GLRA2: variants seen among roughly 807,000 people sequenced by gnomAD.
The protein encoded by GLRA2 is glycine receptor alpha 2, also known as glycine receptor subunit alpha-2.
GLRA2 carries 11 observed loss-of-function variants against 31.6 expected under a neutral mutation model. The ratio of observed to expected loss-of-function variants is 0.35; its 90% CI spans 0.22 to 0.58. The LOEUF (loss-of-function observed/expected upper bound fraction) is 0.58. GLRA2 is among the 20% of genes least tolerant of loss of function. The pLI, the probability that GLRA2 is intolerant of heterozygous loss-of-function variation, is 0.84. For missense variants in GLRA2, 212 were observed against 351.8 expected (o/e 0.60, Z 3.18); for synonymous variants, 132 against 134.0 (o/e 0.99, Z 0.10).
chrX:14,497,112 G>A, the GLRA2 span, among the ~76,000 whole-genome samples: 1 of 111,959 alleles, frequency 8.9e-6, no homozygotes, highest in African/African-American at 3.2e-5. Context: ...ATTATTACAA[G>A]TGTCTTAGAA....
chrX:14,622,309 G>T (rs2090530342), intron 7 of GLRA2, among the ~76,000 whole-genome samples: 1 of 111,560 alleles, frequency 9.0e-6, no homozygotes, highest in African/African-American at 3.3e-5. Context: ...CCATTCTGTA[G>T]GTTTCCTGTT....
At chrX:14,642,267 G>T (rs754055057) in intron 7 of GLRA2, among the ~76,000 whole-genome samples, 1 of 111,810 alleles carries the variant, frequency 8.9e-6, no homozygotes, top group Non-Finnish European at 1.9e-5. Flanking sequence ...TGGGCTGGGT[G>T]CCTGGCAGTT....
chrX:14,686,104 C>T (rs1293043180), intron 7 of GLRA2, among the ~76,000 whole-genome samples: 1 of 111,809 alleles, frequency 8.9e-6, no homozygotes, highest in Non-Finnish European at 1.9e-5. Context: ...TGTTCAGTTT[C>T]CATGTAGTTG....
chrX:14,674,791 A>T (rs1303872835), intron 7 of GLRA2, among the ~76,000 whole-genome samples: 5 of 109,302 alleles, frequency 4.6e-5, no homozygotes, highest in Non-Finnish European at 9.5e-5. Context: ...ACACACACAC[A>T]AACACACACA....
At chrX:14,549,499 A>G (rs762846078) in intron 2 of GLRA2, among the ~76,000 whole-genome samples, 5 of 111,804 alleles carry the variant, frequency 4.5e-5, no homozygotes, top group African/African-American at 1.6e-4. Flanking sequence ...CATCCACAAA[A>G]GAGAGATGAT....
At chrX:14,689,063 A>T (rs2091312898) in intron 7 of GLRA2, among the ~76,000 whole-genome samples, 1 of 112,126 alleles carries the variant, frequency 8.9e-6, no homozygotes, top group Non-Finnish European at 1.9e-5. Flanking sequence ...AGGCAGAGAG[A>T]GGTTAAATAA....
At position 14,591,071 on chromosome X, in the gene GLRA2, T is replaced by C. The variant is rs188390326; in HGVS notation, c.494+9665T>C. Among the ~76,000 whole-genome samples the C allele has an allele frequency of 1.4e-3, 158 of 111,655 alleles. 1 individual carries two copies. The highest frequency in any genetic ancestry group is 4.6e-3 in the African/African-American group (143 of 30,753). On this transcript the variant is annotated intron_variant, in intron 4 of 8. Transcript: ENST00000218075. ...GTATGTATGACAGACTCTCATAAAGTATGGAAAGCTTTGTTGAGCTCCTGC... is the reference window on the plus strand; with the variant it reads ...GTATGTATGACAGACTCTCATAAAGCATGGAAAGCTTTGTTGAGCTCCTGC...
chrX:14,566,862 A>G (rs2089814223), intron 2 of GLRA2, among the ~76,000 whole-genome samples: 1 of 111,780 alleles, frequency 8.9e-6, no homozygotes, highest in African/African-American at 3.3e-5. Context: ...ATAACACCCT[A>G]GACTGAATAA....
the GLRA2 span, among the ~76,000 whole-genome samples, chrX:14,494,734 C>T: frequency 1.8e-5 from 2 of 111,510 alleles, no homozygotes; most frequent in African/African-American, 6.5e-5. Context: ...AGCAAATCTC[C>T]GAAGTCTCAT....
At chrX:14,505,161 G>A in the GLRA2 span, among the ~76,000 whole-genome samples, 3 of 112,090 alleles carry the variant, frequency 2.7e-5, no homozygotes, top group South Asian at 1.1e-3. Flanking sequence ...TCAGAAGTGA[G>A]GTCAGGAAAC....
intron 2 of GLRA2, among the ~76,000 whole-genome samples, chrX:14,535,527 T>G (rs2089311542): frequency 8.9e-6 from 1 of 112,416 alleles, no homozygotes. Flanking sequence ...GAAGCACAAG[T>G]GTATAAACAA....
the GLRA2 span, among the ~76,000 whole-genome samples, chrX:14,522,112 A>C: frequency 8.9e-6 from 1 of 112,351 alleles, no homozygotes; most frequent in Non-Finnish European, 1.9e-5. Context: ...ACTTCTTTCA[A>C]AATTGAAGTA....
At chrX:14,511,711 G>T in the GLRA2 span, among the ~76,000 whole-genome samples, 1 of 111,808 alleles carries the variant, frequency 8.9e-6, no homozygotes, top group Admixed American at 9.5e-5. Context: ...AATTAAGGAG[G>T]TTATTACATA....
At chrX:14,485,963 A>T in the GLRA2 span, among the ~76,000 whole-genome samples, 1 of 111,799 alleles carries the variant, frequency 8.9e-6, no homozygotes, top group Non-Finnish European at 1.9e-5. Flanking sequence ...GAACATTCTG[A>T]GTTTTACATA....
chrX:14,691,907 T>C (rs992159198), intron 8 of GLRA2, among the ~76,000 whole-genome samples: 2 of 112,477 alleles, frequency 1.8e-5, no homozygotes, highest in African/African-American at 6.5e-5. Flanking sequence ...CCAGAAAATA[T>C]TTGATAAATT....
intron 4 of GLRA2, among the ~76,000 whole-genome samples, chrX:14,591,800 C>T (rs1424364571): frequency 8.9e-6 from 1 of 112,184 alleles, no homozygotes; most frequent in East Asian, 2.8e-4. Context: ...AGCATGACCA[C>T]TTGTCCTTAA....
At chrX:14,622,069 T>C (rs1398532070) in intron 7 of GLRA2, among the ~76,000 whole-genome samples, 1 of 112,130 alleles carries the variant, frequency 8.9e-6, no homozygotes, top group African/African-American at 3.2e-5. Flanking sequence ...TGGTGTGAGA[T>C]GTATCTCATT....
At chrX:14,571,577 T>C (rs2089883689) in intron 2 of GLRA2, among the ~76,000 whole-genome samples, 1 of 111,667 alleles carries the variant, frequency 9.0e-6, no homozygotes, top group Non-Finnish European at 1.9e-5. Flanking sequence ...AAATTAATGA[T>C]CTTTATGCCT....
Position 14,530,087 on chromosome X carries a change from A to C in GLRA2, c.30A>C (p.Thr10=), listed in dbSNP as rs910975067. The C allele has an allele frequency of 8.3e-7, 1 of 1,202,684 alleles. No homozygotes were observed. Among genetic ancestry groups the C allele is most frequent in the African/African-American group, 1.7e-5 (1 of 57,659 alleles). The stretch of plus-strand genomic sequence containing the variant: ...ACCGGCAGCTAGTGAACATTTTGAC[A>C]GCCTTGTTTGCATTTTTCTTAGAGA... The part of the protein sequence containing the change: MNRQLVNIL[T]ALFAFFLETN... Residue 10 remains threonine, a synonymous_variant, in exon 1 of 9, where the codon ACA becomes ACC. Transcript: ENST00000218075.
Sources: allele counts gnomAD v4.1 joint callset (sites outside exome capture counted in the v4.1 genomes callset), GRCh38; gene constraint gnomAD v4.1.1; transcripts MANE v1.5; gene names NCBI Gene and HGNC (gene_info 2026-07-23, HGNC 2026-07-21).